Variants in MYO9A observed in about 807,000 individuals in gnomAD.
MYO9A encodes the protein unconventional myosin-IXa.
Under a neutral mutation model 293.3 loss-of-function variants are expected in MYO9A, and 103 were observed. The ratio of observed to expected loss-of-function variants is 0.35; its 90% CI spans 0.30 to 0.41. The LOEUF (loss-of-function observed/expected upper bound fraction) is 0.41. Among genes scored for constraint, MYO9A ranks in the 10% least tolerant of loss-of-function variants. The pLI is 1.00. For synonymous variants in MYO9A, 1,001 were observed against 1,035.7 expected, an observed-to-expected ratio of 0.97 and a Z score of 0.64; for missense variants, 2,685 against 3,033.0, an observed-to-expected ratio of 0.89 and a Z score of 2.69.
chr15:71,887,036 T>C (rs950343197), intron 27 of MYO9A, among the ~76,000 whole-genome samples: 4 of 152,136 alleles, frequency 2.6e-5, no homozygotes, highest in African/African-American at 9.7e-5. Flanking sequence ...GGGACAAAGA[T>C]ATTTATTTGA....
At chr15:72,030,502 ATATC>A (rs2077828500) in intron 3 of MYO9A, among the ~76,000 whole-genome samples, 1 of 151,842 alleles carries the variant, frequency 6.6e-6, no homozygotes, top group Non-Finnish European at 1.5e-5. Context: ...TCTATATACT[ATATC>A]TATATCTATA....
chr15:72,093,606 G>GCC (rs1039929788), intron 1 of MYO9A, among the ~76,000 whole-genome samples: 6 of 150,724 alleles, frequency 4.0e-5, no homozygotes, highest in African/African-American at 1.2e-4. Flanking sequence ...ATCAAATCAG[G>GCC]CCAGGCACAG....
At chr15:72,016,871 T>C (rs558675270) in intron 6 of MYO9A, among the ~76,000 whole-genome samples, 1 of 152,146 alleles carries the variant, frequency 6.6e-6, no homozygotes. Context: ...CTAAGGATTA[T>C]GTACTCTATC....
intron 1 of MYO9A, among the ~76,000 whole-genome samples, chr15:72,053,453 T>C (rs1423516520): frequency 6.6e-6 from 1 of 152,032 alleles, no homozygotes; most frequent in Non-Finnish European, 1.5e-5. Flanking sequence ...ATGTGGCACA[T>C]ATACACCACG....
intron 1 of MYO9A, among the ~76,000 whole-genome samples, chr15:72,092,328 G>A (rs1025307472): frequency 1.3e-5 from 2 of 152,174 alleles, no homozygotes; most frequent in Non-Finnish European, 1.5e-5. Flanking sequence ...CTTTGGCACT[G>A]AGCAGAAAAG....
At chr15:71,975,307 T>C (rs929392615) in intron 12 of MYO9A, among the ~76,000 whole-genome samples, 5 of 150,396 alleles carry the variant, frequency 3.3e-5, no homozygotes, top group African/African-American at 1.2e-4. Context: ...TTTTATCGTG[T>C]GTGTGTGTGT....
rs2306575 is a variant in MYO9A at position 71,880,542 on chromosome 15, G to T, written c.5415C>A (p.His1805Gln). 1 of 1,613,686 alleles carries T rather than the reference G, an allele frequency of 6.2e-7. No homozygotes were observed. Among genetic ancestry groups the T allele is most frequent in the East Asian group, 2.2e-5 (1 of 44,866 alleles). Residue 1805 changes from histidine (H) to glutamine (Q), a missense_variant, in exon 29 of 42, where the codon CAC becomes CAA. Around this residue, in one of 10 missense-constraint regions of MYO9A, gnomAD observed 1,434 missense variants for 1,497.7 expected, o/e 0.96. Coordinates refer to ENST00000356056, the MANE Select transcript of MYO9A (RefSeq NM_006901.4). ...GTTCTGGGCTCAAAGGAGGTGTTGG[G>T]TGATATGCAGCTAATTCTACAATTC... ...HQFPDELAAY[H>Q]PTPPLSPELP... is the part of the protein sequence containing the mutation.
chr15:71,966,844 ATAT>A (rs1329556692), intron 13 of MYO9A, among the ~76,000 whole-genome samples: 1 of 152,230 alleles, frequency 6.6e-6, no homozygotes. Context: ...TCTGCTTAAA[ATAT>A]TATCACAGTG....
At chr15:71,882,296 G>A (rs1017269861) in intron 28 of MYO9A, among the ~76,000 whole-genome samples, 3 of 152,150 alleles carry the variant, frequency 2.0e-5, no homozygotes, top group East Asian at 1.9e-4. Flanking sequence ...GTATCTTTAC[G>A]TAGTAGCTAA....
intron 39 of MYO9A, among the ~76,000 whole-genome samples, chr15:71,835,202 G>A (rs1447368000): frequency 6.6e-6 from 1 of 152,154 alleles, no homozygotes; most frequent in African/African-American, 2.4e-5. Context: ...ACACTTGGTG[G>A]TAAAAGGTTG....
chr15:72,091,174 G>C (rs1002369341), intron 1 of MYO9A, among the ~76,000 whole-genome samples: 8 of 149,642 alleles, frequency 5.3e-5, no homozygotes, highest in African/African-American at 1.5e-4. Flanking sequence ...ACCACAGCCT[G>C]CATAACAGAG....
At chr15:72,060,933 T>C (rs1386563229) in intron 1 of MYO9A, among the ~76,000 whole-genome samples, 1 of 152,082 alleles carries the variant, frequency 6.6e-6, no homozygotes, top group Non-Finnish European at 1.5e-5. Context: ...GAGAACCTCC[T>C]TCTGCTTAAG....
chr15:71,963,600 G>A (rs541428035), intron 13 of MYO9A, among the ~76,000 whole-genome samples: 3 of 152,152 alleles, frequency 2.0e-5, no homozygotes, highest in Admixed American at 1.3e-4. Flanking sequence ...AGGCATACAC[G>A]CCACCACGCC....
rs151239194 is a variant in MYO9A at position 71,973,390 on chromosome 15, G to T, written c.1844+4781C>A. On this transcript the variant is annotated intron_variant, in intron 12 of 41. Transcript: ENST00000356056. ...TTCCTAAAGAACCTTTACTAAAATG[G>T]ATTATGAGAGTAACTACATTAGGGG... Among the ~76,000 whole-genome samples the T allele has an allele frequency of 2.4e-4, 37 of 152,238 alleles. 1 individual carries two copies. The highest frequency in any genetic ancestry group is 1.7e-3 in the Admixed American group (26 of 15,290).
intron 19 of MYO9A, among the ~76,000 whole-genome samples, chr15:71,907,795 G>A (rs1471061131): frequency 3.3e-5 from 5 of 151,948 alleles, no homozygotes; most frequent in African/African-American, 4.8e-5. Flanking sequence ...GGGGTTGTTT[G>A]TTTTTTTCTT....
At chr15:71,926,258 C>T (rs7170461) in intron 18 of MYO9A, among the ~76,000 whole-genome samples, 10 of 151,844 alleles carry the variant, frequency 6.6e-5, no homozygotes, top group African/African-American at 2.2e-4. Flanking sequence ...GGGGGGCATG[C>T]GCAAGGCATG....
intron 8 of MYO9A, among the ~76,000 whole-genome samples, chr15:72,003,302 A>G (rs1199508776): frequency 6.6e-6 from 1 of 151,548 alleles, no homozygotes; most frequent in East Asian, 1.9e-4. Flanking sequence ...AAAATAAAAG[A>G]CAAATCTCAC....
At chr15:72,117,523 G>C (rs1596629827) in intron 1 of MYO9A, among the ~76,000 whole-genome samples, 157 bp downstream of exon 1, 1 of 152,322 alleles carries the variant, frequency 6.6e-6, no homozygotes, top group Non-Finnish European at 1.5e-5. Context: ...CTGGGGATCC[G>C]GGGCCGTGAT....
At chr15:72,064,042 GCAAAATAAGC>G (rs1229874658) in intron 1 of MYO9A, among the ~76,000 whole-genome samples, 1 of 152,160 alleles carries the variant, frequency 6.6e-6, no homozygotes, top group Non-Finnish European at 1.5e-5. Context: ...ACTATGTTAA[GCAAAATAAGC>G]CAGGCACAAA....
Sources: gnomAD v4.1 joint callset for allele counts (sites outside exome capture counted in the v4.1 genomes callset) on GRCh38, gnomAD v4.1.1 for gene constraint, gnomAD v4.1.1 regional missense constraint, MANE v1.5 for transcripts, NCBI Gene and HGNC (gene_info 2026-07-23, HGNC 2026-07-21) for gene names.